The following NLRP2 variants were observed in gnomAD, a reference collection of about 807,000 sequenced individuals.
NLRP2 encodes NACHT, LRR and PYD domains-containing protein 2.
NLRP2 carries 107 observed loss-of-function variants against 97.2 expected under a neutral mutation model. That is an observed-to-expected ratio of 1.10 (90% confidence interval 0.94 to 1.29). The LOEUF is 1.29. Ranked by LOEUF, NLRP2 falls within the 50% of genes most tolerant of loss-of-function variation. NLRP2 has a pLI of 0.00. For missense variants in NLRP2, 1,495 were observed against 1,330.3 expected (o/e 1.12, Z -1.93); for synonymous variants, 663 against 551.5 (o/e 1.20, Z -2.83).
intron 1 of NLRP2, among the ~76,000 whole-genome samples, chr19:54,969,494 AAAAT>A (rs924345946): frequency 2.6e-5 from 4 of 151,600 alleles, no homozygotes; most frequent in African/African-American, 9.7e-5. Flanking sequence ...AAAAAAAAAA[AAAAT>A]ACAAAAAGTA....
chr19:54,983,759 C>A (rs770771262), intron 6 of NLRP2, 31 bp downstream of exon 6: 35 of 1,602,642 alleles, frequency 2.2e-5, no homozygotes, highest in Non-Finnish European at 2.5e-6. Flanking sequence ...CCAGTCGTTC[C>A]ATCTTTAGCC....
chr19:54,994,420 TGC>T lies in NLRP2; in HGVS notation c.2861_2862del (p.Cys954Ter), dbSNP rs1209632418. The T allele has an allele frequency of 1.2e-6, 2 of 1,612,968 alleles. No homozygotes were observed. Among genetic ancestry groups the T allele is most frequent in the Non-Finnish European group, 1.7e-6 (2 of 1,180,032 alleles). On this transcript the variant is annotated frameshift_variant, in exon 11 of 13. Transcript: ENST00000448584. LOFTEE classifies it high-confidence loss of function. ...GTGTGAGGCTTTGAGGAAACCACTG[TGC>T]AACTTGAGATGTCTGTGGTGAGTTA... is the stretch of plus-strand genomic sequence containing the variant. Reference protein sequence around the residue: ...FLCEALRKPLCNLRCLWLWGC... With the variant: ...FLCEALRKPLXNLRCLWLWGC...
chr19:54,982,618 A>G lies in NLRP2; in HGVS notation c.920A>G (p.Asp307Gly), dbSNP rs772739635. ...PGALIEDICG[D>G]WEKKKPVPVL... ...GCGCTGATCGAGGACATCTGCGGGG[A>G]CTGGGAGAAGAAGAAGCCGGTGCCC... is the stretch of plus-strand genomic sequence containing the variant. The change falls in exon 6 of 13, where the codon GAC becomes GGC. Residue 307 changes from aspartate to glycine, a missense_variant. By Grantham distance (94) the Asp-to-Gly change is moderately conservative. Coordinates refer to ENST00000448584, the MANE Select transcript of NLRP2 (RefSeq NM_017852.5). 9.9e-6 allele frequency: 16 copies of G among 1,613,906 alleles called. No homozygotes were observed. The South Asian group carries it at 1.4e-4, about 14-fold the overall frequency.
At chr19:54,976,439 C>T (rs971762039) in intron 3 of NLRP2, among the ~76,000 whole-genome samples, 1 of 151,736 alleles carries the variant, frequency 6.6e-6, no homozygotes, top group Non-Finnish European at 1.5e-5. Flanking sequence ...CTCCGCCTCC[C>T]AGGTTCAAGT....
intron 3 of NLRP2, among the ~76,000 whole-genome samples, chr19:54,975,679 C>A (rs1002343205): frequency 2.0e-5 from 3 of 151,888 alleles, no homozygotes; most frequent in African/African-American, 7.3e-5. Flanking sequence ...GTCTCGATCT[C>A]CTGACCTTGT....
rs200480716 is a variant in NLRP2, at chr19:54,982,166, A to C, written c.468A>C (p.Lys156Asn). The change falls in exon 6 of 13, where the codon AAA becomes AAC. Residue 156 changes from lysine to asparagine, a missense_variant. Transcript: ENST00000448584. ...CCCTCCTCACCAATGATAAAGACAA[A>C]GACAATAGGTGCAGGTATATATTGA... ...KEVFKGKKPD[K>N]DNRCRYILKT... 2 of 1,614,076 alleles carry C rather than the reference A, an allele frequency of 1.2e-6. No individual in the cohort carries two copies. The highest frequency in any genetic ancestry group is 1.7e-6 in the Non-Finnish European group (2 of 1,180,038).
At chr19:54,972,911 G>A (rs566806789) in intron 2 of NLRP2, among the ~76,000 whole-genome samples, 3 of 152,204 alleles carry the variant, frequency 2.0e-5, no homozygotes, top group Admixed American at 2.0e-4. Flanking sequence ...ATGGTAGGCC[G>A]GGCACAGTGG....
intron 4 of NLRP2, among the ~76,000 whole-genome samples, chr19:54,979,280 T>C (rs980124090): frequency 2.0e-5 from 3 of 152,078 alleles, no homozygotes; most frequent in African/African-American, 7.2e-5. Flanking sequence ...CCACCGCACC[T>C]AGCCTGTGAT....
intron 2 of NLRP2, among the ~76,000 whole-genome samples, chr19:54,972,902 T>C (rs2070955899): frequency 6.6e-6 from 1 of 151,908 alleles, no homozygotes; most frequent in African/African-American, 2.4e-5. Flanking sequence ...AAAGGAAACA[T>C]GGTAGGCCGG....
rs756195650 is a variant in NLRP2 at position 54,990,035 on chromosome 19, TC to T, written c.2382del (p.Ala795LeufsTer19). 7 of 1,613,890 alleles carry T rather than the reference TC, an allele frequency of 4.3e-6. No individual in the cohort carries two copies. The highest frequency in any genetic ancestry group is 1.7e-5 in the Admixed American group (1 of 59,994). ...TTTCTCCCACAGGTTGGTGTCTTGT[TC>T]CGCTACCACTCAGCAGTGGGCTGAT... ...NLRYLGLVSCSATTQQWADLS... is the reference protein window; with the variant it reads ...NLRYLGLVSCXATTQQWADLS... On this transcript the variant is annotated frameshift_variant, in exon 9 of 13. Coordinates refer to ENST00000448584, the MANE Select transcript of NLRP2 (RefSeq NM_017852.5). LOFTEE classifies it high-confidence loss of function.
intron 3 of NLRP2, among the ~76,000 whole-genome samples, chr19:54,974,762 C>T (rs760976432): frequency 3.2e-4 from 48 of 152,180 alleles, no homozygotes; most frequent in Middle Eastern, 3.4e-3. Flanking sequence ...ACATACAAAG[C>T]GGGGAAGGGT....
chr19:54,984,329 G>GTGTGTTTTT lies in NLRP2; in HGVS notation c.2030+602_2030+603insGTGTTTTTT. Among the ~76,000 whole-genome samples the GTGTGTTTTT allele has an allele frequency of 1.1e-4, 9 of 79,666 alleles. 1 individual carries two copies. Among genetic ancestry groups the GTGTGTTTTT allele is most frequent in the Non-Finnish European group, 2.3e-4 (9 of 39,964 alleles). 52.3% of individuals were successfully genotyped at this position (79,666 alleles called of 152,430 possible). ...AACTTAAGTGGGGGTTTTTTTTTGT[G>GTGTGTTTTT]TTTTTTTTTTTTTTTTTTTTTTTGG... On this transcript the variant is annotated intron_variant, in intron 6 of 12. Coordinates refer to ENST00000448584, the MANE Select transcript of NLRP2 (RefSeq NM_017852.5).
chr19:54,983,366 C>T lies in NLRP2; in HGVS notation c.1668C>T (p.Tyr556=). Residue 556 remains tyrosine (Y), a synonymous_variant, in exon 6 of 13, where the codon TAC becomes TAT. Coordinates refer to ENST00000448584, the MANE Select transcript of NLRP2 (RefSeq NM_017852.5). The part of the protein sequence containing the change: ...RNPDLIQAGY[Y]SFGLANEKRA... ...CCGACCTGATCCAAGCAGGCTACTA[C>T]TCCTTTGGCCTCGCTAACGAGAAGA... 1.2e-6 allele frequency: 2 copies of T among 1,614,232 alleles called. No homozygotes were observed. The highest frequency in any genetic ancestry group is 1.7e-6 in the Non-Finnish European group (2 of 1,180,050).
rs146500465 is a variant in NLRP2 at position 54,982,652 on chromosome 19, G to T, written c.954G>T (p.Leu318=). The T allele has an allele frequency of 1.1e-5, 17 of 1,614,152 alleles. No individual in the cohort carries two copies. The highest frequency in any genetic ancestry group is 1.4e-5 in the Non-Finnish European group (17 of 1,180,036). Residue 318 remains leucine (L), a synonymous_variant, in exon 6 of 13, where the codon CTG becomes CTT. Coordinates refer to ENST00000448584, the MANE Select transcript of NLRP2 (RefSeq NM_017852.5). ...AGAAGAAGCCGGTGCCCGTCCTCCT[G>T]GGGAGTTTGCTGAACAGGGTGATGT... ...WEKKKPVPVL[L]GSLLNRVMLP...
At chr19:54,972,430 C>T (rs1377280476) in intron 2 of NLRP2, among the ~76,000 whole-genome samples, 1 of 152,000 alleles carries the variant, frequency 6.6e-6, no homozygotes, top group Non-Finnish European at 1.5e-5. Context: ...ATCAACCCGC[C>T]TCAGCCTCCC....
intron 1 of NLRP2, among the ~76,000 whole-genome samples, chr19:54,966,825 CTTTTTTTTTTTTT>C (rs1044701142): frequency 2.7e-5 from 2 of 74,996 alleles, no homozygotes; most frequent in African/African-American, 5.8e-5. Context: ...CGCGCCCAGC[CTTTTTTTTTTTTT>C]TTTTTTTTTT....
chr19:54,975,424 A>C (rs2071160319), intron 3 of NLRP2, among the ~76,000 whole-genome samples: 1 of 141,606 alleles, frequency 7.1e-6, no homozygotes, highest in South Asian at 2.4e-4. Flanking sequence ...CCTGGCCCTT[A>C]CCAGCTACTT....
In NLRP2 at chr19:54,997,503, T is replaced by C. The variant is rs1301109576; in HGVS notation, c.3050+16T>C. On this transcript the variant is annotated intron_variant, in intron 12 of 12. Transcript: ENST00000448584. The stretch of plus-strand genomic sequence containing the variant: ...GGACACTCAGGTATGATCCATTTAC[T>C]TCCCCATCAGGCTTTCTCCAGAGTG... 1.9e-6 allele frequency: 3 copies of C among 1,613,852 alleles called. No homozygotes were observed. In the Admixed American group the frequency reaches 5.0e-5, roughly 27 times the overall value.
intron 4 of NLRP2, among the ~76,000 whole-genome samples, chr19:54,981,042 C>T (rs60823916): frequency 2.0e-5 from 3 of 151,972 alleles, no homozygotes; most frequent in Admixed American, 6.6e-5. Flanking sequence ...ACCCGGGAGG[C>T]GGAGGTTGCA....
Sources: gnomAD v4.1 joint callset for allele counts (sites outside exome capture counted in the v4.1 genomes callset) on GRCh38, gnomAD v4.1.1 for gene constraint, MANE v1.5 for transcripts, NCBI Gene and HGNC (gene_info 2026-07-23, HGNC 2026-07-21) for gene names.